The following FBXW7 variants were observed in gnomAD, a reference collection of about 807,000 sequenced individuals.
The protein encoded by FBXW7 is F-box/WD repeat-containing protein 7.
FBXW7 carries 11 observed loss-of-function variants against 86.3 expected under a neutral mutation model. The ratio of observed to expected loss-of-function variants is 0.13; its 90% confidence interval spans 0.08 to 0.21. FBXW7 has a LOEUF of 0.21. FBXW7 is among the 10% of genes least tolerant of loss of function. FBXW7 has a pLI of 1.00. For synonymous variants in FBXW7, 313 were observed against 297.9 expected (o/e 1.05, Z -0.52); for missense variants, 488 against 847.4 (o/e 0.58, Z 5.27).
At chr4:152,438,539 G>T (rs1159099332) in intron 2 of FBXW7, among the ~76,000 whole-genome samples, 2 of 152,088 alleles carry the variant, frequency 1.3e-5, no homozygotes, top group Non-Finnish European at 2.9e-5. Context: ...TTAGCCAGGA[G>T]TGGCACACAC....
At chr4:152,451,105 T>G (rs1035600350) in intron 2 of FBXW7, among the ~76,000 whole-genome samples, 1 of 152,218 alleles carries the variant, frequency 6.6e-6, no homozygotes, top group African/African-American at 2.4e-5. Context: ...GTTTAAAAAT[T>G]AGAAGAAAAA....
Position 152,354,518 on chromosome 4 carries a change from T to C in FBXW7, c.502-4394A>G, listed in dbSNP as rs35266457. Among the ~76,000 whole-genome samples, 1,520 of 152,258 alleles carry C rather than the reference T, an allele frequency of 1.0e-2. 19 individuals carry two copies. Among genetic ancestry groups the C allele is most frequent in the East Asian group, 0.043 (221 of 5,182 alleles). On this transcript the variant is annotated intron_variant, in intron 4 of 13. Transcript: ENST00000281708. ...GGTAACAAGTTTTCCATAAGACACG[T>C]GTAATACTAGTGCTATAATAGTATA...
At chr4:152,364,464 T>C (rs1022783955) in intron 4 of FBXW7, among the ~76,000 whole-genome samples, 10 of 152,204 alleles carry the variant, frequency 6.6e-5, no homozygotes, top group African/African-American at 2.2e-4. Context: ...TTATGAATCA[T>C]AATATTTATG....
intron 7 of FBXW7, among the ~76,000 whole-genome samples, chr4:152,333,954 T>A (rs189169320): frequency 8.5e-4 from 130 of 152,222 alleles, no homozygotes; most frequent in Admixed American, 7.4e-3. Context: ...CTCAGGAGGC[T>A]GAGGCATAAG....
chr4:152,469,345 C>T (rs1431795800), intron 2 of FBXW7, among the ~76,000 whole-genome samples: 1 of 152,142 alleles, frequency 6.6e-6, no homozygotes, highest in East Asian at 1.9e-4. Context: ...AAGTAAAATA[C>T]ATTCTGAGAT....
chr4:152,359,047 G>A (rs1732673827), intron 4 of FBXW7, among the ~76,000 whole-genome samples: 1 of 152,152 alleles, frequency 6.6e-6, no homozygotes, highest in African/African-American at 2.4e-5. Context: ...TAAATTACAA[G>A]TAAATCTTGA....
intron 4 of FBXW7, among the ~76,000 whole-genome samples, chr4:152,371,662 A>G (rs1175479680): frequency 6.6e-6 from 1 of 152,030 alleles, no homozygotes; most frequent in African/African-American, 2.4e-5. Flanking sequence ...CTGATGACAC[A>G]CTGTATGTTG....
chr4:152,473,678 C>G (rs1744154781), intron 2 of FBXW7, among the ~76,000 whole-genome samples: 1 of 151,974 alleles, frequency 6.6e-6, no homozygotes, highest in South Asian at 2.1e-4. Context: ...GAAACTGGGT[C>G]TTGTTATGTT....
chr4:152,514,350 A>G (rs760808344), intron 2 of FBXW7, among the ~76,000 whole-genome samples: 91 of 152,322 alleles, frequency 6.0e-4, no homozygotes, highest in Non-Finnish European at 1.1e-3. Flanking sequence ...CAAGTGATAA[A>G]TATAAGAACT....
In FBXW7 at chr4:152,496,163, T is replaced by G. The variant is rs917716986; in HGVS notation, c.-120+38778A>C. The stretch of plus-strand genomic sequence containing the variant: ...CTGCACTCCAGCCTAGGTGTCAGAG[T>G]AAGACACACCACCTCAAACAAACAA... On this transcript the variant is annotated intron_variant, in intron 2 of 13. Coordinates refer to ENST00000281708, the MANE Select transcript of FBXW7 (RefSeq NM_001349798.2). Among the ~76,000 whole-genome samples, 8 of 151,958 alleles carry G rather than the reference T, an allele frequency of 5.3e-5. No homozygotes were observed. In the East Asian group the frequency reaches 1.5e-3, roughly 29 times the overall value.
intron 4 of FBXW7, among the ~76,000 whole-genome samples, chr4:152,401,790 C>A (rs939604835): frequency 3.9e-5 from 6 of 152,186 alleles, no homozygotes; most frequent in Non-Finnish European, 7.4e-5. Context: ...TATGGGAACT[C>A]TCTAGGCCTC....
chr4:152,496,690 GA>G (rs1362266781), intron 2 of FBXW7, among the ~76,000 whole-genome samples: 2 of 151,782 alleles, frequency 1.3e-5, no homozygotes, highest in Non-Finnish European at 2.9e-5. Flanking sequence ...GAAAAAAATA[GA>G]ACTGTATTGA....
intron 4 of FBXW7, among the ~76,000 whole-genome samples, chr4:152,350,342 G>C (rs1731685891): frequency 2.0e-5 from 3 of 151,498 alleles, no homozygotes; most frequent in Non-Finnish European, 3.0e-5. Flanking sequence ...ATTTTATCCA[G>C]AAGAACAGTG....
chr4:152,519,315 T>A (rs34234777), intron 2 of FBXW7, among the ~76,000 whole-genome samples: 3 of 149,296 alleles, frequency 2.0e-5, no homozygotes, highest in Admixed American at 6.6e-5. Flanking sequence ...AATAAATAAA[T>A]AAATAAAGAA....
chr4:152,447,143 C>G (rs1347099932), intron 2 of FBXW7, among the ~76,000 whole-genome samples: 1 of 152,134 alleles, frequency 6.6e-6, no homozygotes, highest in Non-Finnish European at 1.5e-5. Flanking sequence ...TTGAGTACAT[C>G]AAAAAGGAAA....
At chr4:152,511,781 G>T (rs946166928) in intron 2 of FBXW7, among the ~76,000 whole-genome samples, 1 of 152,044 alleles carries the variant, frequency 6.6e-6, no homozygotes, top group Non-Finnish European at 1.5e-5. Flanking sequence ...TGTATACTAC[G>T]CTTTTCTCTG....
chr4:152,483,513 G>A (rs181310802), intron 2 of FBXW7, among the ~76,000 whole-genome samples: 1 of 151,990 alleles, frequency 6.6e-6, no homozygotes, highest in African/African-American at 2.4e-5. Context: ...GACCAGCCTA[G>A]GGAACATGAA....
intron 2 of FBXW7, among the ~76,000 whole-genome samples, chr4:152,416,227 A>G (rs1738418048): frequency 6.6e-6 from 1 of 152,222 alleles, no homozygotes; most frequent in South Asian, 2.1e-4. Flanking sequence ...TCATGTACTA[A>G]GCATGCTCTT....
intron 12 of FBXW7, chr4:152,325,730 TAATTAACATAGCA>T: frequency 2.8e-6 from 1 of 358,798 alleles, no homozygotes; most frequent in Non-Finnish European, 5.1e-6. Flanking sequence ...ATTTAACCAT[TAATTAACATAGCA>T]AAACTTAGAG....
Sources: gnomAD v4.1 joint callset for allele counts (sites outside exome capture counted in the v4.1 genomes callset) on GRCh38, gnomAD v4.1.1 for gene constraint, MANE v1.5 for transcripts, NCBI Gene and HGNC (gene_info 2026-07-23, HGNC 2026-07-21) for gene names.